ADGRB3: variants seen among roughly 807,000 people sequenced by gnomAD.
ADGRB3 encodes the protein brain-specific angiogenesis inhibitor 3.
ADGRB3 carries 37 observed loss-of-function variants against 193.4 expected under a neutral mutation model. The ratio of observed to expected loss-of-function variants is 0.19; its 90% confidence interval spans 0.15 to 0.25. The LOEUF (loss-of-function observed/expected upper bound fraction) is 0.25, where lower values mean the gene tolerates loss of function less well. Among genes scored for constraint, ADGRB3 ranks in the 10% least tolerant of loss-of-function variants. ADGRB3 has a pLI of 1.00. For synonymous variants in ADGRB3, 690 were observed against 644.2 expected, an observed-to-expected ratio of 1.07 and a Z score of -1.08; for missense variants, 1,637 against 1,852.9, an observed-to-expected ratio of 0.88 and a Z score of 2.14.
chr6:69,081,222 C>T (rs1772377610), intron 17 of ADGRB3, among the ~76,000 whole-genome samples: 1 of 151,932 alleles, frequency 6.6e-6, no homozygotes, highest in Non-Finnish European at 1.5e-5. Context: ...TATTATAAAA[C>T]TATGTTATGC....
intron 3 of ADGRB3, among the ~76,000 whole-genome samples, chr6:68,747,635 C>G (rs1220026787): frequency 6.6e-6 from 1 of 151,986 alleles, no homozygotes; most frequent in Non-Finnish European, 1.5e-5. Context: ...AAATTTGGCA[C>G]TAAACATAGA....
intron 11 of ADGRB3, among the ~76,000 whole-genome samples, chr6:68,995,392 C>A (rs1386182376): frequency 6.6e-6 from 1 of 152,132 alleles, no homozygotes; most frequent in Non-Finnish European, 1.5e-5. Flanking sequence ...CTCTAACTCT[C>A]AAAAGTGTAG....
At chr6:69,304,244 A>C (rs1263292403) in intron 20 of ADGRB3, among the ~76,000 whole-genome samples, 1 of 151,790 alleles carries the variant, frequency 6.6e-6, no homozygotes, top group African/African-American at 2.4e-5. Flanking sequence ...TAAAAATTAT[A>C]TTGAGTGAAT....
At chr6:68,756,447 A>G (rs1766300306) in intron 3 of ADGRB3, among the ~76,000 whole-genome samples, 1 of 152,208 alleles carries the variant, frequency 6.6e-6, no homozygotes, top group Admixed American at 6.5e-5. Flanking sequence ...ATAAAAAGCT[A>G]GGCTTGTGGA....
In ADGRB3 at chr6:69,152,972, A is replaced by AAGTCAT. The variant is rs3839469; in HGVS notation, c.2480+76938_2480+76943dup. On this transcript the variant is annotated intron_variant, in intron 17 of 31. Coordinates refer to ENST00000370598, the MANE Select transcript of ADGRB3 (RefSeq NM_001704.3). ...CTCACTTATTTTCTAGTAACTGTTTAAGTCATAGTGTTAAGGAAATGATTA... is the reference window on the plus strand; with the variant it reads ...CTCACTTATTTTCTAGTAACTGTTTAAGTCATAGTCATAGTGTTAAGGAAATGATTA... Among the ~76,000 whole-genome samples, 6 of 152,274 alleles carry AAGTCAT rather than the reference A, an allele frequency of 3.9e-5. No individual in the cohort carries two copies. The East Asian group carries it at 1.2e-3, about 29-fold the overall frequency.
At chr6:69,251,550 T>A (rs1766620547) in intron 20 of ADGRB3, among the ~76,000 whole-genome samples, 2 of 152,210 alleles carry the variant, frequency 1.3e-5, no homozygotes, top group Non-Finnish European at 2.9e-5. Flanking sequence ...TCAGTTGTTT[T>A]TAAATCTAGA....
intron 3 of ADGRB3, among the ~76,000 whole-genome samples, chr6:68,778,047 A>T (rs539327902): frequency 6.6e-6 from 1 of 152,252 alleles, no homozygotes; most frequent in African/African-American, 2.4e-5. Flanking sequence ...GACTCTACTT[A>T]TTCTTGTCTA....
chr6:69,110,810 A>G (rs1390052850), intron 17 of ADGRB3, among the ~76,000 whole-genome samples: 1 of 152,156 alleles, frequency 6.6e-6, no homozygotes, highest in East Asian at 1.9e-4. Flanking sequence ...TAAGGTTGAT[A>G]TTTGTTATCT....
chr6:68,928,890 CT>C (rs1767257325), intron 3 of ADGRB3, among the ~76,000 whole-genome samples: 1 of 152,132 alleles, frequency 6.6e-6, no homozygotes, highest in African/African-American at 2.4e-5. Context: ...AAAATTACTA[CT>C]AAATTCCGGT....
At chr6:69,180,502 C>A (rs982010045) in intron 17 of ADGRB3, among the ~76,000 whole-genome samples, 2 of 151,876 alleles carry the variant, frequency 1.3e-5, no homozygotes, top group South Asian at 4.2e-4. Flanking sequence ...GGCTGCTTAA[C>A]CAGTTGAGTT....
intron 6 of ADGRB3, among the ~76,000 whole-genome samples, chr6:68,951,536 G>A (rs899080473): frequency 2.6e-5 from 4 of 152,080 alleles, no homozygotes; most frequent in Non-Finnish European, 4.4e-5. Flanking sequence ...CAGCTCCCCC[G>A]TGGCGCAGTT....
rs1767652150 is a variant in ADGRB3, at chr6:68,817,305, ATGTATATATATATATATATATAT to A, written c.758-113253_758-113231del. On this transcript the variant is annotated intron_variant, in intron 3 of 31. Coordinates refer to ENST00000370598, the MANE Select transcript of ADGRB3 (RefSeq NM_001704.3). ...AGGTATTTATTATTCCCTTTTGTCC[ATGTATATATATATATATATATAT>A]ATATATATATATATATATATATATA... is the stretch of plus-strand genomic sequence containing the variant. Among the ~76,000 whole-genome samples, 49 of 43,492 alleles carry A rather than the reference ATGTATATATATATATATATATAT, an allele frequency of 1.1e-3. 2 individuals carry two copies. In the East Asian group the frequency reaches 0.013, roughly 11 times the overall value. The allele number at this position is 43,492 out of a possible 152,430, so 28.5% of individuals were successfully genotyped here. A position where few individuals can be genotyped will look rare whatever the true frequency, so the allele number is the denominator to read the frequency against.
At chr6:68,800,681 G>A (rs1767293938) in intron 3 of ADGRB3, among the ~76,000 whole-genome samples, 1 of 152,110 alleles carries the variant, frequency 6.6e-6, no homozygotes, top group South Asian at 2.1e-4. Flanking sequence ...TGCTGCCTAA[G>A]GTCGTGTAGG....
chr6:69,309,134 A>G (rs529880591), intron 20 of ADGRB3, among the ~76,000 whole-genome samples: 3 of 151,868 alleles, frequency 2.0e-5, no homozygotes, highest in South Asian at 2.1e-4. Flanking sequence ...TCCCATTGAT[A>G]TTATTTATAA....
rs529333551 is a variant in ADGRB3 at position 68,787,965 on chromosome 6, A to T, written c.758-142594A>T. ...ATAGAGGTGTTTATAGTATTCTCTG[A>T]TGGTAGTTTGTATTTCTGTGGGATT... On this transcript the variant is annotated intron_variant, in intron 3 of 31. Coordinates refer to ENST00000370598, the MANE Select transcript of ADGRB3 (RefSeq NM_001704.3). Among the ~76,000 whole-genome samples, 4 of 152,116 alleles carry T rather than the reference A, an allele frequency of 2.6e-5. No homozygotes were observed. In the South Asian group the frequency reaches 6.2e-4, roughly 24 times the overall value.
chr6:69,301,147 G>T (rs1582616956), intron 20 of ADGRB3, among the ~76,000 whole-genome samples: 1 of 151,716 alleles, frequency 6.6e-6, no homozygotes, highest in East Asian at 1.9e-4. Flanking sequence ...AAAGTATTAA[G>T]AAAAAGTTAG....
At chr6:69,031,150 T>C (rs1770670016) in intron 13 of ADGRB3, among the ~76,000 whole-genome samples, 1 of 148,854 alleles carries the variant, frequency 6.7e-6, no homozygotes, top group Non-Finnish European at 1.5e-5. Flanking sequence ...TCAAGAATTC[T>C]AGAGTTTCAG....
chr6:68,883,767 T>G (rs993663127), intron 3 of ADGRB3, among the ~76,000 whole-genome samples: 1 of 152,162 alleles, frequency 6.6e-6, no homozygotes, highest in African/African-American at 2.4e-5. Flanking sequence ...GTCACCTTTA[T>G]AGAACTGTAA....
At chr6:68,818,710 A>G (rs1456847362) in intron 3 of ADGRB3, among the ~76,000 whole-genome samples, 2 of 152,096 alleles carry the variant, frequency 1.3e-5, no homozygotes, top group African/African-American at 4.8e-5. Flanking sequence ...TCCAAAATGA[A>G]CTATCCAAGC....
Sources: gnomAD v4.1 joint callset for allele counts (sites outside exome capture counted in the v4.1 genomes callset) on GRCh38, gnomAD v4.1.1 for gene constraint, MANE v1.5 for transcripts, NCBI Gene and HGNC (gene_info 2026-07-23, HGNC 2026-07-21) for gene names.